Variants in PEF1 observed in about 807,000 individuals in gnomAD.
PEF1 encodes peflin.
PEF1 carries 17 observed loss-of-function variants against 32.0 expected under a neutral mutation model. That is an observed-to-expected ratio of 0.53 (90% CI 0.36 to 0.80). PEF1 has a LOEUF of 0.80. Among genes scored for constraint, PEF1 ranks in the 30% least tolerant of loss-of-function variants. The pLI is 0.00. For synonymous variants in PEF1, 130 were observed against 139.8 expected, an observed-to-expected ratio of 0.93 and a Z score of 0.50; for missense variants, 362 against 369.1, an observed-to-expected ratio of 0.98 and a Z score of 0.16.
chr1:31,641,752 T>C (rs374896958), intron 1 of PEF1, among the ~76,000 whole-genome samples: 1 of 152,264 alleles, frequency 6.6e-6, no homozygotes, highest in Non-Finnish European at 1.5e-5. Flanking sequence ...CACTCTCCCG[T>C]GCTGTACCTT....
intron 1 of PEF1, chr1:31,644,121 A>G (rs1168069242): frequency 6.5e-6 from 1 of 152,892 alleles, no homozygotes; most frequent in Non-Finnish European, 1.5e-5. Context: ...ATATGAACCT[A>G]CCTCTGACAC....
chr1:31,642,742 C>A (rs949975079), intron 1 of PEF1, among the ~76,000 whole-genome samples: 1 of 152,196 alleles, frequency 6.6e-6, no homozygotes, highest in Admixed American at 6.5e-5. Context: ...AGAGCAGTCA[C>A]GGCAGCAAGA....
intron 1 of PEF1, among the ~76,000 whole-genome samples, chr1:31,642,916 G>A (rs182682885): frequency 6.6e-6 from 1 of 152,342 alleles, no homozygotes; most frequent in African/African-American, 2.4e-5. Context: ...TAACTATTAA[G>A]TAATACAGCT....
intron 1 of PEF1, 32 bp downstream of exon 1, chr1:31,644,809 T>C: frequency 6.2e-7 from 1 of 1,613,742 alleles, no homozygotes; most frequent in East Asian, 2.2e-5. Context: ...GCACCGCCGC[T>C]ACCTGGATTC....
Position 31,635,290 on chromosome 1 carries a change from G to C in PEF1, c.257C>G (p.Pro86Arg). 6.2e-7 allele frequency: 1 copy of C among 1,614,126 alleles called. No homozygotes were observed. The highest frequency in any genetic ancestry group is 8.5e-7 in the Non-Finnish European group (1 of 1,180,006). Reference protein sequence around the residue: ...TPGGPYGGAAPGGPYGQPPPS... With the variant: ...TPGGPYGGAARGGPYGQPPPS... Reference sequence around the variant, plus strand: ...AGGTGGCTGACCATAGGGGCCCCCGGGAGCTGCACCGCCATATGGTCCTCC... The same window carrying C: ...AGGTGGCTGACCATAGGGGCCCCCGCGAGCTGCACCGCCATATGGTCCTCC... Residue 86 changes from proline to arginine, a missense_variant, in exon 2 of 5, where the codon CCC becomes CGC. By Grantham distance (103) the Pro-to-Arg change is moderately radical. Transcript: ENST00000373703.
chr1:31,638,456 C>T (rs1178971083), intron 1 of PEF1, among the ~76,000 whole-genome samples: 1 of 152,200 alleles, frequency 6.6e-6, no homozygotes, highest in Non-Finnish European at 1.5e-5. Flanking sequence ...TCTGGGCACA[C>T]CCAAAGAACA....
chr1:31,634,942 C>T (rs1640214382), intron 2 of PEF1: 2 of 557,120 alleles, frequency 3.6e-6, no homozygotes, highest in Non-Finnish European at 6.7e-6. Context: ...CAGCATGTAT[C>T]CCTGAATGAA....
rs750305158 is a variant in PEF1 at position 31,644,824 on chromosome 1, G to A, written c.24+17C>T. On this transcript the variant is annotated intron_variant, in intron 1 of 4. Transcript: ENST00000373703. ...GCACCGCCGCTACCTGGATTCGCGG[G>A]CCCCTCACACACTCACCTGCCGGTA... 1.2e-6 allele frequency: 2 copies of A among 1,613,738 alleles called. No individual in the cohort carries two copies. Among genetic ancestry groups the A allele is most frequent in the Non-Finnish European group, 1.7e-6 (2 of 1,179,804 alleles).
chr1:31,633,281 T>C lies in PEF1; in HGVS notation c.359A>G (p.Tyr120Cys), dbSNP rs749930655. 105 of 1,613,354 alleles carry C rather than the reference T, an allele frequency of 6.5e-5. No individual in the cohort carries two copies. Among genetic ancestry groups the C allele is most frequent in the Non-Finnish European group, 8.7e-5 (103 of 1,179,756 alleles). The change falls in exon 3 of 5, where the codon TAC (tyrosine) becomes TGC (cysteine). Residue 120 changes from tyrosine to cysteine, a missense_variant. Coordinates refer to ENST00000373703, the MANE Select transcript of PEF1 (RefSeq NM_012392.4). The stretch of plus-strand genomic sequence containing the variant: ...TGAGTCCACCGACTGGAACCAGGAG[T>C]AGGCCTCAGGATCCACATTGGGAGG... ...GAPPNVDPEA[Y>C]SWFQSVDSDH...
Position 31,630,636 on chromosome 1 carries a change from T to C in PEF1, c.832A>G (p.Met278Val), listed in dbSNP as rs754327994. Residue 278 changes from methionine to valine, a missense_variant, in exon 5 of 5, where the codon ATG (methionine) becomes GTG (valine). By Grantham distance (21) the Met-to-Val change is conservative (BLOSUM62 1). Transcript: ENST00000373703. ...IRLSFEDFVT[M>V]TASRML The stretch of plus-strand genomic sequence containing the variant: ...GGTCATAGCATCCGAGAAGCTGTCA[T>C]GGTGACGAAGTCCTCGAAGCTGAGC... The C allele has an allele frequency of 3.7e-6, 6 of 1,612,438 alleles. No individual in the cohort carries two copies. Among genetic ancestry groups the C allele is most frequent in the East Asian group, 2.2e-5 (1 of 44,902 alleles).
In PEF1 at chr1:31,635,507, C is replaced by T. The variant is rs1234874661; in HGVS notation, c.40G>A (p.Ala14Thr). 4 of 1,515,542 alleles carry T rather than the reference C, an allele frequency of 2.6e-6. No homozygotes were observed. The highest frequency in any genetic ancestry group is 3.5e-6 in the Non-Finnish European group (4 of 1,132,240). The allele number at this position is 1,515,542 out of a possible 1,614,324, so 93.9% of individuals were successfully genotyped here. A position where few individuals can be genotyped will look rare whatever the true frequency, so the allele number is the denominator to read the frequency against. Residue 14 changes from alanine (A) to threonine (T), a missense_variant, in exon 2 of 5, where the codon GCA becomes ACA. By Grantham distance (58) the Ala-to-Thr change is moderately conservative (BLOSUM62 0). Transcript: ENST00000373703. ...GGAGGGGCTCCTGGTGCTTGTCCTG[C>T]AGCTCCTGGGCAGCCCTGCAGGAAG... is the stretch of plus-strand genomic sequence containing the variant. ...YPYRQGCPGAAGQAPGAPPGS... is the reference protein window; with the variant it reads ...YPYRQGCPGATGQAPGAPPGS...
At chr1:31,636,353 A>C (rs898050087) in intron 1 of PEF1, among the ~76,000 whole-genome samples, 1 of 152,096 alleles carries the variant, frequency 6.6e-6, no homozygotes, top group African/African-American at 2.4e-5. Context: ...GCGCACACCT[A>C]TAGTCCCAAT....
At chr1:31,635,598 A>G in intron 1 of PEF1, 76 bp from the exon 2 acceptor site, 2 of 1,354,336 alleles carry the variant, frequency 1.5e-6, no homozygotes, top group Non-Finnish European at 2.0e-6. Flanking sequence ...ACAACCATAA[A>G]GCACTTCCAC....
At chr1:31,632,355 T>A (rs1357935358) in intron 4 of PEF1, 140 bp downstream of exon 4, 1 of 1,422,782 alleles carries the variant, frequency 7.0e-7, no homozygotes, top group African/African-American at 1.4e-5. Context: ...GGGTGAGGGA[T>A]GCAGGCCTGC....
At chr1:31,644,272 C>T in intron 1 of PEF1, 1 of 699,296 alleles carries the variant, frequency 1.4e-6, no homozygotes, top group Non-Finnish European at 1.8e-6. Context: ...CTCGGCCCTG[C>T]TGCCTAACTG....
chr1:31,644,682 G>T lies in PEF1; in HGVS notation c.24+159C>A. 3 of 1,478,234 alleles carry T rather than the reference G, an allele frequency of 2.0e-6. No homozygotes were observed. In the South Asian group the frequency reaches 3.9e-5, roughly 19 times the overall value. 91.6% of individuals were successfully genotyped at this position (1,478,234 alleles called of 1,614,324 possible). A position where few individuals can be genotyped will look rare whatever the true frequency, so the allele number is the denominator to read the frequency against. ...GTCCTTCATGACGTGAGCAGGGCGC[G>T]ACCGACGGTCCCTTTTCGGTTCTCT... On this transcript the variant is annotated intron_variant, in intron 1 of 4. Transcript: ENST00000373703.
At chr1:31,644,581 A>C in intron 1 of PEF1, 1 of 1,422,872 alleles carries the variant, frequency 7.0e-7, no homozygotes, top group Non-Finnish European at 9.1e-7. Context: ...GCCAGCCTGG[A>C]CCTGTGGGGT....
intron 1 of PEF1, among the ~76,000 whole-genome samples, chr1:31,639,824 G>A: frequency 6.6e-6 from 1 of 152,310 alleles, no homozygotes; most frequent in Non-Finnish European, 1.5e-5. Flanking sequence ...GATGAAGGAG[G>A]TGGAGCCAAC....
rs866712630 is a variant in PEF1, at chr1:31,632,775, T to G, written c.482-137A>C. ...ACAGAACCAAGCCCTGAGGCCCAGA[T>G]GCCTGCACCTGAGACACCCACATCA... On this transcript the variant is annotated intron_variant, in intron 3 of 4. Transcript: ENST00000373703. 304 of 1,011,968 alleles carry G rather than the reference T, an allele frequency of 3.0e-4. 1 individual carries two copies. The Middle Eastern group carries it at 5.8e-3, about 19-fold the overall frequency. 62.7% of individuals were successfully genotyped at this position (1,011,968 alleles called of 1,614,324 possible). A position where few individuals can be genotyped will look rare whatever the true frequency, so the allele number is the denominator to read the frequency against.
Sources: gnomAD v4.1 joint callset for allele counts (sites outside exome capture counted in the v4.1 genomes callset) on GRCh38, gnomAD v4.1.1 for gene constraint, MANE v1.5 for transcripts, NCBI Gene and HGNC (gene_info 2026-07-23, HGNC 2026-07-21) for gene names.